The following PITPNC1 variants were observed in gnomAD, a reference collection of about 807,000 sequenced individuals.
PITPNC1 encodes the protein phosphatidylinositol transfer protein cytoplasmic 1.
Under a neutral mutation model 44.7 loss-of-function variants are expected in PITPNC1, and 18 were observed. The observed-to-expected ratio is 0.40, with a 90% CI of 0.28 to 0.60. PITPNC1 has a LOEUF of 0.60. Among genes scored for constraint, PITPNC1 ranks in the 20% least tolerant of loss-of-function variants. PITPNC1 has a pLI of 0.39. For missense variants in PITPNC1, 290 were observed against 418.4 expected (o/e 0.69, Z 2.68); for synonymous variants, 141 against 149.6 (o/e 0.94, Z 0.42).
chr17:67,472,876 T>C (rs1858197359), intron 1 of PITPNC1, among the ~76,000 whole-genome samples: 1 of 149,298 alleles, frequency 6.7e-6, no homozygotes, highest in Non-Finnish European at 1.5e-5. Context: ...CCATAATTAA[T>C]GTGGTATTTT....
chr17:67,648,504 T>G (rs2042176034), intron 6 of PITPNC1, among the ~76,000 whole-genome samples: 1 of 152,212 alleles, frequency 6.6e-6, no homozygotes, highest in African/African-American at 2.4e-5. Flanking sequence ...ACCTTATTGC[T>G]TTTGATTAGA....
chr17:67,465,799 G>A (rs1031118431), intron 1 of PITPNC1, among the ~76,000 whole-genome samples: 2 of 152,042 alleles, frequency 1.3e-5, no homozygotes, highest in African/African-American at 2.4e-5. Flanking sequence ...AAACTTCGTG[G>A]AAGCTTAGCT....
chr17:67,565,181 G>T (rs1887342152), intron 4 of PITPNC1, among the ~76,000 whole-genome samples: 1 of 150,400 alleles, frequency 6.6e-6, no homozygotes, highest in Non-Finnish European at 1.5e-5. Flanking sequence ...GTGTATACTA[G>T]TTTTCCATGT....
chr17:67,666,057 G>T (rs911309452), intron 6 of PITPNC1, among the ~76,000 whole-genome samples: 2 of 152,012 alleles, frequency 1.3e-5, no homozygotes, highest in Non-Finnish European at 2.9e-5. Flanking sequence ...TGCCCAGGCT[G>T]GTCTCAAACT....
chr17:67,496,878 C>G (rs900618385), intron 1 of PITPNC1, among the ~76,000 whole-genome samples: 17 of 151,962 alleles, frequency 1.1e-4, no homozygotes, highest in African/African-American at 4.1e-4. Context: ...TCCGCCCTCC[C>G]AATTCTGCCC....
chr17:67,484,797 G>A (rs374363760), intron 1 of PITPNC1, among the ~76,000 whole-genome samples: 1 of 152,048 alleles, frequency 6.6e-6, no homozygotes, highest in African/African-American at 2.4e-5. Context: ...AATTAGCCAG[G>A]TGTGATGGTG....
intron 1 of PITPNC1, among the ~76,000 whole-genome samples, chr17:67,469,431 A>C (rs2039479990): frequency 6.6e-6 from 1 of 152,146 alleles, no homozygotes; most frequent in Non-Finnish European, 1.5e-5. Context: ...GCCCCCGCCC[A>C]GCTTGCTGAA....
chr17:67,420,217 G>A (rs1488892210), intron 1 of PITPNC1, among the ~76,000 whole-genome samples: 1 of 152,142 alleles, frequency 6.6e-6, no homozygotes, highest in African/African-American at 2.4e-5. Flanking sequence ...AAAACCTCCA[G>A]TGCAGGGTTC....
At chr17:67,433,602 T>C (rs11079693) in intron 1 of PITPNC1, among the ~76,000 whole-genome samples, 61,388 of 152,004 alleles carry the variant, frequency 0.4, 12,826 homozygotes, top group Non-Finnish European at 0.47. Context: ...ACCCAGCTAC[T>C]CGGGAGGCTG....
At chr17:67,584,493 A>G (rs2041283711) in intron 5 of PITPNC1, among the ~76,000 whole-genome samples, 1 of 152,186 alleles carries the variant, frequency 6.6e-6, no homozygotes, top group African/African-American at 2.4e-5. Context: ...AAAGATCAGT[A>G]TTGAAGTTCC....
intron 1 of PITPNC1, among the ~76,000 whole-genome samples, chr17:67,507,660 G>C (rs1285979214): frequency 6.9e-6 from 1 of 144,046 alleles, no homozygotes; most frequent in African/African-American, 2.6e-5. Context: ...CTCCAGCCTG[G>C]GTGACAGGGC....
At chr17:67,613,500 A>G (rs2041715862) in intron 5 of PITPNC1, 1 of 152,234 alleles carries the variant, frequency 6.6e-6, no homozygotes, top group Admixed American at 6.5e-5. Flanking sequence ...TAAACATGTA[A>G]CAGTTGCAGA....
intron 5 of PITPNC1, among the ~76,000 whole-genome samples, chr17:67,591,586 G>A (rs533221221): frequency 4.6e-5 from 7 of 152,264 alleles, no homozygotes; most frequent in East Asian, 3.9e-4. Context: ...AAATGTTAAC[G>A]GCTGGAGAAT....
intron 1 of PITPNC1, among the ~76,000 whole-genome samples, chr17:67,530,772 C>T (rs1217035958): frequency 6.6e-6 from 1 of 152,164 alleles, no homozygotes; most frequent in African/African-American, 2.4e-5. Context: ...GTAGTGTGTG[C>T]CCATCTGTAT....
At chr17:67,553,638 T>G in intron 4 of PITPNC1, 21 bp downstream of exon 4, 1 of 1,109,606 alleles carries the variant, frequency 9.0e-7, no homozygotes, top group Non-Finnish European at 1.3e-6. Flanking sequence ...TTTAATTATT[T>G]TTAAACATTC....
rs900484550 is a variant in PITPNC1 at position 67,579,897 on chromosome 17, G to A, written c.366+1640G>A. Among the ~76,000 whole-genome samples the A allele has an allele frequency of 4.7e-5, 7 of 150,518 alleles. No homozygotes were observed. In the South Asian group the frequency reaches 6.3e-4, roughly 13 times the overall value. ...AGAGGTTGCAGTGAGCGCAGATCGC[G>A]CCACTGCACTCCAGCCTGGCAACAG... On this transcript the variant is annotated intron_variant, in intron 5 of 8. Transcript: ENST00000581322.
rs1321560944 is a variant in PITPNC1, at chr17:67,696,613, G to C, written c.*3725G>C. 6.6e-6 allele frequency: 1 copy of C among 152,204 alleles called. No homozygotes were observed. The highest frequency in any genetic ancestry group is 1.5e-5 in the Non-Finnish European group (1 of 68,038). The allele number at this position is 152,204 out of a possible 1,614,324, so 9.4% of individuals were successfully genotyped here. A position where few individuals can be genotyped will look rare whatever the true frequency, so the allele number is the denominator to read the frequency against. ...TGTCCAGTGACTGCAATCTGATTAT[G>C]AATAAACTATTTTAACTATTCATTC... On this transcript the variant is annotated 3_prime_UTR_variant, in exon 9 of 9. Coordinates refer to ENST00000581322, the MANE Select transcript of PITPNC1 (RefSeq NM_012417.4).
At chr17:67,512,358 A>G (rs12948102) in intron 1 of PITPNC1, among the ~76,000 whole-genome samples, 17,185 of 152,086 alleles carry the variant, frequency 0.11, 1,251 homozygotes, top group African/African-American at 0.21. Context: ...AAAATTAGTC[A>G]GGCGTGATGA....
chr17:67,465,266 G>A (rs991215480), intron 1 of PITPNC1, among the ~76,000 whole-genome samples: 18 of 152,216 alleles, frequency 1.2e-4, no homozygotes, highest in Non-Finnish European at 2.5e-4. Flanking sequence ...GCCCCAGGAG[G>A]AGCAGAGGAA....
Sources: gnomAD v4.1 joint callset for allele counts (sites outside exome capture counted in the v4.1 genomes callset) on GRCh38, gnomAD v4.1.1 for gene constraint, MANE v1.5 for transcripts, NCBI Gene and HGNC (gene_info 2026-07-23, HGNC 2026-07-21) for gene names.